The following SEC22C variants were observed in gnomAD, a reference collection of about 807,000 sequenced individuals.
SEC22C encodes SEC22 homolog C, vesicle trafficking protein.
In SEC22C, 29 loss-of-function variants were observed where a neutral mutation model predicts 34.7. The ratio of observed to expected loss-of-function variants is 0.84; its 90% CI spans 0.62 to 1.14. The LOEUF (loss-of-function observed/expected upper bound fraction) is 1.14, where lower values mean the gene tolerates loss of function less well. Ranked by LOEUF, SEC22C falls within the 50% of genes most tolerant of loss-of-function variation. The pLI is 0.00. For synonymous variants in SEC22C, 117 were observed against 132.8 expected (o/e 0.88, Z 0.82); for missense variants, 337 against 369.0 (o/e 0.91, Z 0.71).
intron 1 of SEC22C, among the ~76,000 whole-genome samples, chr3:42,575,114 C>G (rs115265264): frequency 0.036 from 5,532 of 152,274 alleles, 165 homozygotes; most frequent in East Asian, 0.12. Context: ...TCCCAAAGTA[C>G]TGGGATTACA....
intron 1 of SEC22C, among the ~76,000 whole-genome samples, chr3:42,570,124 A>G (rs1703525408): frequency 6.6e-6 from 1 of 152,206 alleles, no homozygotes; most frequent in Non-Finnish European, 1.5e-5. Flanking sequence ...TCTCTTCCAA[A>G]GAACTCTAGG....
rs1491558050 is a variant in SEC22C, at chr3:42,554,994, AAC to A, written c.711+934_711+935del. 3.8e-3 allele frequency among the ~76,000 whole-genome samples: 470 copies of A among 125,080 alleles called. 3 individuals carry two copies. Among genetic ancestry groups the A allele is most frequent in the African/African-American group, 0.016 (445 of 28,434 alleles). 82.1% of individuals were successfully genotyped at this position (125,080 alleles called of 152,430 possible). A position where few individuals can be genotyped will look rare whatever the true frequency, so the allele number is the denominator to read the frequency against. The stretch of plus-strand genomic sequence containing the variant: ...TATTTAAAACAACAACAACAACAAC[AAC>A]AAAAAAATCAGCAGTTCTTTGACCT... On this transcript the variant is annotated intron_variant, in intron 6 of 6. Transcript: ENST00000264454.
intron 1 of SEC22C, among the ~76,000 whole-genome samples, chr3:42,599,075 T>C (rs1052857569): frequency 1.3e-5 from 2 of 150,830 alleles, no homozygotes; most frequent in African/African-American, 4.9e-5. Flanking sequence ...ACGCCATTCT[T>C]CTGCCTCAGC....
At position 42,589,400 on chromosome 3, in the gene SEC22C, C is replaced by T. The variant is rs533036449; in HGVS notation, c.-28+11560G>A. ...AGGGCCACCACTCAGGGGAATAAAG[C>T]TCTAGGGACCTCCCCTTTTTAGGAG... On this transcript the variant is annotated intron_variant, in intron 1 of 6. Transcript: ENST00000417572. 2.6e-5 allele frequency among the ~76,000 whole-genome samples: 4 copies of T among 152,322 alleles called. No homozygotes were observed. The South Asian group carries it at 8.3e-4, about 32-fold the overall frequency.
intron 2 of SEC22C, among the ~76,000 whole-genome samples, chr3:42,568,247 CT>C (rs375339464): frequency 1.3e-5 from 2 of 151,704 alleles, no homozygotes; most frequent in East Asian, 3.9e-4. Context: ...CCCTCCTTAC[CT>C]TTTCTCTTCC....
intron 2 of SEC22C, among the ~76,000 whole-genome samples, chr3:42,567,914 A>T (rs1052629717): frequency 1.3e-5 from 2 of 151,900 alleles, no homozygotes; most frequent in African/African-American, 4.8e-5. Flanking sequence ...CTACTAAAAA[A>T]TTCAAAAATT....
chr3:42,570,654 C>A (rs1450279927), intron 1 of SEC22C, among the ~76,000 whole-genome samples: 2 of 152,134 alleles, frequency 1.3e-5, no homozygotes, highest in Non-Finnish European at 2.9e-5. Flanking sequence ...ACGGCAGGAC[C>A]AGGTCAACTG....
intron 1 of SEC22C, chr3:42,591,560 TG>T (rs1559536704): frequency 6.2e-7 from 1 of 1,613,904 alleles, no homozygotes; most frequent in Non-Finnish European, 8.5e-7. Flanking sequence ...TCCGCTGTAT[TG>T]TGGAGTATCA....
Position 42,549,000 on chromosome 3 carries a change from G to A in SEC22C, c.*4248C>T, listed in dbSNP as rs1463047097. 3.8e-6 allele frequency: 4 copies of A among 1,043,488 alleles called. No individual in the cohort carries two copies. In the East Asian group the frequency reaches 2.5e-4, roughly 66 times the overall value. 64.6% of individuals were successfully genotyped at this position (1,043,488 alleles called of 1,614,324 possible). A position where few individuals can be genotyped will look rare whatever the true frequency, so the allele number is the denominator to read the frequency against. On this transcript the variant is annotated 3_prime_UTR_variant, in exon 7 of 7. Transcript: ENST00000264454. ...TCACCATTTACCAGATGAGGAAACT[G>A]AGGCCTGATGGGCAGTGATTTGTGC...
chr3:42,580,173 T>C (rs1704235324), intron 1 of SEC22C, among the ~76,000 whole-genome samples: 1 of 152,204 alleles, frequency 6.6e-6, no homozygotes, highest in South Asian at 2.1e-4. Context: ...CTGTTTTTTC[T>C]TCCACCTTTT....
Position 42,550,561 on chromosome 3 carries a change from TGTG to T in SEC22C, c.*2684_*2686del. ...CTGGATTTCAGTCAAACAATGTTTTTGTGGTCATTACTTGTACTGTTTTTCTAG... is the reference window on the plus strand; with the variant it reads ...CTGGATTTCAGTCAAACAATGTTTTTGTCATTACTTGTACTGTTTTTCTAG... On this transcript the variant is annotated 3_prime_UTR_variant, in exon 7 of 7. Transcript: ENST00000264454. 2 of 985,468 alleles carry T rather than the reference TGTG, an allele frequency of 2.0e-6. No individual in the cohort carries two copies. Among genetic ancestry groups the T allele is most frequent in the Non-Finnish European group, 2.4e-6 (2 of 829,938 alleles). The allele number at this position is 985,468 out of a possible 1,614,324, so 61.0% of individuals were successfully genotyped here.
At chr3:42,593,631 T>C (rs1052432030) in intron 1 of SEC22C, among the ~76,000 whole-genome samples, 1 of 152,074 alleles carries the variant, frequency 6.6e-6, no homozygotes, top group Non-Finnish European at 1.5e-5. Context: ...GGGAAATCCA[T>C]AGTAAAACAG....
At chr3:42,592,099 T>C (rs897588815) in intron 1 of SEC22C, among the ~76,000 whole-genome samples, 2 of 152,200 alleles carry the variant, frequency 1.3e-5, no homozygotes, top group Non-Finnish European at 2.9e-5. Context: ...AAATTGTGCA[T>C]AATAATTTAA....
At chr3:42,588,048 G>A (rs1439405984) in intron 1 of SEC22C, among the ~76,000 whole-genome samples, 1 of 151,720 alleles carries the variant, frequency 6.6e-6, no homozygotes, top group African/African-American at 2.4e-5. Context: ...ACTCCAGCCT[G>A]GGCAACAAGA....
intron 2 of SEC22C, among the ~76,000 whole-genome samples, chr3:42,565,176 C>T (rs749630218): frequency 9.9e-5 from 15 of 152,134 alleles, no homozygotes; most frequent in Non-Finnish European, 2.1e-4. Flanking sequence ...TAATATTCTG[C>T]CCCCCTTTCA....
chr3:42,552,155 G>A lies in SEC22C; in HGVS notation c.*1093C>T. ...AAGAGAGTAACTTTCCAGAGTATGT[G>A]TTAATTATATCTCTATCAAGCTTTA... is the stretch of plus-strand genomic sequence containing the variant. On this transcript the variant is annotated 3_prime_UTR_variant, in exon 7 of 7. Transcript: ENST00000264454. 3 of 985,294 alleles carry A rather than the reference G, an allele frequency of 3.0e-6. No individual in the cohort carries two copies. Among genetic ancestry groups the A allele is most frequent in the Non-Finnish European group, 3.6e-6 (3 of 829,804 alleles). 61.0% of individuals were successfully genotyped at this position (985,294 alleles called of 1,614,324 possible).
At chr3:42,578,048 T>C (rs1003958240) in intron 1 of SEC22C, among the ~76,000 whole-genome samples, 4 of 152,088 alleles carry the variant, frequency 2.6e-5, no homozygotes, top group East Asian at 1.9e-4. Context: ...AATCTACCAA[T>C]CACACTCCTG....
rs370365196 is a variant in SEC22C at position 42,557,949 on chromosome 3, CA to C, written c.527-254del. On this transcript the variant is annotated intron_variant, in intron 4 of 6. Transcript: ENST00000264454. ...CTTTTCCAGGCAAGCACAGGTTTTT[CA>C]AGTGCTTAATTTCCTTTCTATCTAA... Among the ~76,000 whole-genome samples, 14 of 152,294 alleles carry C rather than the reference CA, an allele frequency of 9.2e-5. 1 individual carries two copies. The East Asian group carries it at 2.7e-3, about 29-fold the overall frequency.
Position 42,576,345 on chromosome 3 carries a change from T to C in SEC22C, c.-28+5501A>G, listed in dbSNP as rs556168104. Among the ~76,000 whole-genome samples the C allele has an allele frequency of 7.2e-5, 11 of 152,002 alleles. No homozygotes were observed. The South Asian group carries it at 2.3e-3, about 32-fold the overall frequency. On this transcript the variant is annotated intron_variant, in intron 1 of 6. Coordinates refer to ENST00000264454, the MANE Select transcript of SEC22C (RefSeq NM_032970.4). ...AAATCACAAACATGGAAGGAAATAA[T>C]AGGATAGAAATCAATGAAATGGAAA...
Sources: gnomAD v4.1 joint callset for allele counts (sites outside exome capture counted in the v4.1 genomes callset) on GRCh38, gnomAD v4.1.1 for gene constraint, MANE v1.5 for transcripts, NCBI Gene and HGNC (gene_info 2026-07-23, HGNC 2026-07-21) for gene names.